The following BABAM2 variants were observed in gnomAD, a reference collection of about 807,000 sequenced individuals.
BABAM2 encodes BRISC and BRCA1 A complex member 2.
A neutral mutation model predicts 54.7 loss-of-function variants in BABAM2; 31 were observed. The observed-to-expected ratio is 0.57, with a 90% CI of 0.43 to 0.77. The LOEUF is 0.77. BABAM2 is among the 30% of genes least tolerant of loss of function. The pLI, the probability that BABAM2 is intolerant of heterozygous loss-of-function variation, is 0.00. For missense variants in BABAM2, 364 were observed against 455.8 expected (o/e 0.80, Z 1.83); for synonymous variants, 167 against 162.9 (o/e 1.03, Z -0.19).
chr2:28,160,499 G>T (rs934416736), intron 7 of BABAM2, among the ~76,000 whole-genome samples: 5 of 152,162 alleles, frequency 3.3e-5, no homozygotes, highest in African/African-American at 7.2e-5. Flanking sequence ...AGAAGTGCAC[G>T]TATGCACAGT....
chr2:27,963,660 C>T (rs567219774), intron 3 of BABAM2, among the ~76,000 whole-genome samples: 1 of 152,002 alleles, frequency 6.6e-6, no homozygotes, highest in Non-Finnish European at 1.5e-5. Context: ...CATAGCAAAT[C>T]ATTTCAGCAG....
chr2:28,050,577 G>A (rs1425897481), intron 6 of BABAM2, among the ~76,000 whole-genome samples: 6 of 152,168 alleles, frequency 3.9e-5, no homozygotes, highest in Admixed American at 2.0e-4. Context: ...GCCATAAAAT[G>A]ATACTGGGAT....
intron 6 of BABAM2, among the ~76,000 whole-genome samples, chr2:28,048,175 G>A (rs939067164): frequency 6.6e-6 from 1 of 152,188 alleles, no homozygotes. Flanking sequence ...ATATTGAGTA[G>A]TATGGAGTTA....
At chr2:28,029,329 A>G (rs567499023) in intron 5 of BABAM2, among the ~76,000 whole-genome samples, 1 of 152,172 alleles carries the variant, frequency 6.6e-6, no homozygotes, top group Non-Finnish European at 1.5e-5. Context: ...GAACTTTTTC[A>G]TCTTGCAAAG....
chr2:27,972,308 A>G (rs1164510554), intron 3 of BABAM2, among the ~76,000 whole-genome samples: 1 of 152,234 alleles, frequency 6.6e-6, no homozygotes, highest in African/African-American at 2.4e-5. Flanking sequence ...AACTAGTGTT[A>G]GTGGGTAAAA....
At chr2:28,272,562 T>C (rs908004680) in intron 10 of BABAM2, among the ~76,000 whole-genome samples, 9 of 152,204 alleles carry the variant, frequency 5.9e-5, no homozygotes, top group African/African-American at 1.9e-4. Flanking sequence ...GAAGCTCACT[T>C]TTGCTCCAAA....
chr2:27,926,178 G>A (rs1667692602), intron 2 of BABAM2, among the ~76,000 whole-genome samples: 1 of 150,900 alleles, frequency 6.6e-6, no homozygotes, highest in African/African-American at 2.4e-5. Context: ...CCTGCTTTGT[G>A]CTTGGCATAA....
At chr2:28,272,341 C>A (rs1685488515) in intron 10 of BABAM2, among the ~76,000 whole-genome samples, 1 of 152,166 alleles carries the variant, frequency 6.6e-6, no homozygotes, top group East Asian at 1.9e-4. Flanking sequence ...TTGGACATGT[C>A]ATGGGAAAAT....
At chr2:28,062,829 T>C (rs1303995521) in intron 6 of BABAM2, among the ~76,000 whole-genome samples, 1 of 152,176 alleles carries the variant, frequency 6.6e-6, no homozygotes, top group Non-Finnish European at 1.5e-5. Context: ...TCCCCAGGGT[T>C]TCTAATGTGT....
chr2:27,954,204 C>T (rs944152825), intron 3 of BABAM2, among the ~76,000 whole-genome samples: 8 of 152,184 alleles, frequency 5.3e-5, no homozygotes, highest in Non-Finnish European at 7.4e-5. Context: ...TGCCAGCTTG[C>T]CACTAAATTT....
At chr2:27,925,723 T>G (rs552032415) in intron 2 of BABAM2, among the ~76,000 whole-genome samples, 2 of 152,248 alleles carry the variant, frequency 1.3e-5, no homozygotes, top group African/African-American at 4.8e-5. Context: ...GAAACACTCC[T>G]CTCCATGACT....
intron 6 of BABAM2, among the ~76,000 whole-genome samples, chr2:28,056,443 TC>T (rs1678427918): frequency 6.6e-6 from 1 of 152,248 alleles, no homozygotes; most frequent in Non-Finnish European, 1.5e-5. Context: ...CTTTTGGCTT[TC>T]TTTTGTTGTT....
intron 6 of BABAM2, among the ~76,000 whole-genome samples, chr2:28,055,839 T>C (rs1407516880): frequency 6.6e-6 from 1 of 152,196 alleles, no homozygotes; most frequent in African/African-American, 2.4e-5. Flanking sequence ...GGAAACAACC[T>C]AATTGTTCAA....
In BABAM2 at chr2:28,237,237, C is replaced by T. The variant is rs757351647; in HGVS notation, c.716C>T (p.Ala239Val). The part of the protein sequence containing the change: ...LGGSSALHIP[A>V]FPGGGCLIDY... ...GGCTCCTCAGCTCTTCATATCCCAG[C>T]TTTTCCAGGAGGAGGATGTCTCATT... The change falls in exon 8 of 12, where the codon GCT becomes GTT. Residue 239 changes from alanine (A) to valine (V), a missense_variant. Transcript: ENST00000379624. 6.2e-7 allele frequency: 1 copy of T among 1,613,910 alleles called. No individual in the cohort carries two copies. The highest frequency in any genetic ancestry group is 1.1e-5 in the South Asian group (1 of 91,074).
intron 7 of BABAM2, among the ~76,000 whole-genome samples, chr2:28,234,194 G>A (rs1429778090): frequency 1.3e-5 from 2 of 151,938 alleles, no homozygotes; most frequent in South Asian, 2.1e-4. Flanking sequence ...TCTGAGCCTC[G>A]TTTTTTTCAC....
intron 3 of BABAM2, among the ~76,000 whole-genome samples, chr2:27,965,102 C>T (rs554220026): frequency 6.6e-6 from 1 of 152,248 alleles, no homozygotes; most frequent in African/African-American, 2.4e-5. Context: ...TTAACCATAT[C>T]CCTCTCTATG....
chr2:28,327,149 G>T, intron 11 of BABAM2: 2 of 997,502 alleles, frequency 2.0e-6, no homozygotes, highest in Non-Finnish European at 2.9e-6. Flanking sequence ...TGTGATGAAC[G>T]CCAGAGAAAG....
At chr2:28,173,360 CCAAGCCTTTAGGCCTCA>C (rs1383111083) in intron 7 of BABAM2, among the ~76,000 whole-genome samples, 1 of 152,174 alleles carries the variant, frequency 6.6e-6, no homozygotes, top group Non-Finnish European at 1.5e-5. Context: ...ACCATGTAGT[CCAAGCCTTTAGGCCTCA>C]CAAGACTTCA....
intron 11 of BABAM2, among the ~76,000 whole-genome samples, chr2:28,324,490 T>A (rs186881434): frequency 1.2e-3 from 187 of 152,164 alleles, no homozygotes; most frequent in Admixed American, 2.1e-3. Context: ...AAAGTTACTT[T>A]GGGCCAGGCA....
Sources: gnomAD v4.1 joint callset for allele counts (sites outside exome capture counted in the v4.1 genomes callset) on GRCh38, gnomAD v4.1.1 for gene constraint, MANE v1.5 for transcripts, NCBI Gene and HGNC (gene_info 2026-07-23, HGNC 2026-07-21) for gene names.